Variants in COMMD8 observed in about 807,000 individuals in gnomAD.
COMMD8 encodes COMM domain containing 8, also known as COMM domain-containing protein 8.
In COMMD8, 28 loss-of-function variants were observed where a neutral mutation model predicts 27.2. That is an observed-to-expected ratio of 1.03 (90% confidence interval 0.76 to 1.41). The LOEUF (loss-of-function observed/expected upper bound fraction) is 1.41, where lower values mean the gene tolerates loss of function less well. Among genes scored for constraint, COMMD8 ranks in the 40% most tolerant of loss-of-function variants. COMMD8 has a pLI of 0.00. For missense variants in COMMD8, 217 were observed against 211.2 expected (o/e 1.03, Z -0.17); for synonymous variants, 79 against 75.5 (o/e 1.05, Z -0.24).
At chr4:47,456,784 A>G in intron 2 of COMMD8, 55 bp from the exon 3 acceptor site, 1 of 1,345,368 alleles carries the variant, frequency 7.4e-7, no homozygotes, top group Non-Finnish European at 1.0e-6. Context: ...TAAAAACACA[A>G]TTCCACTCTC....
chr4:47,461,091 C>T (rs1730013426), intron 1 of COMMD8, among the ~76,000 whole-genome samples: 1 of 152,116 alleles, frequency 6.6e-6, no homozygotes, highest in Admixed American at 6.6e-5. Flanking sequence ...AATAAGAATA[C>T]GTGCAAATCA....
chr4:47,451,641 C>T lies in COMMD8; in HGVS notation c.*4G>A. ...CTGATAGGACTGGTATTCATCATTT[C>T]CAGTTATTTCAACTGCAGGACCACC... On this transcript the variant is annotated 3_prime_UTR_variant, in exon 5 of 5. Transcript: ENST00000381571. 1 of 1,586,604 alleles carries T rather than the reference C, an allele frequency of 6.3e-7. No individual in the cohort carries two copies.
intron 2 of COMMD8, among the ~76,000 whole-genome samples, chr4:47,457,196 A>T (rs1191716438): frequency 2.0e-5 from 3 of 152,242 alleles, no homozygotes; most frequent in Non-Finnish European, 4.4e-5. Context: ...AATAAGGGAT[A>T]CTCAACTTGT....
In COMMD8 at chr4:47,456,713, T is replaced by C. The variant is rs749660918; in HGVS notation, c.239A>G (p.Asn80Ser). 15 of 1,582,762 alleles carry C rather than the reference T, an allele frequency of 9.5e-6. No individual in the cohort carries two copies. The highest frequency in any genetic ancestry group is 7.6e-5 in the Admixed American group (4 of 52,674). The part of the protein sequence containing the change: ...LPDEEIFQQL[N>S]QLNSLHQETI... ...TTCTTGATGAAGTGAATTCAACTGA[T>C]TCAACTGCTGAAATATCTATAAAAA... Residue 80 changes from asparagine to serine, a missense_variant, in exon 3 of 5, where the codon AAT becomes AGT. Asn to Ser is a conservative substitution (Grantham distance 46, BLOSUM62 1). Coordinates refer to ENST00000381571, the MANE Select transcript of COMMD8 (RefSeq NM_017845.5).
At chr4:47,458,253 T>C (rs1345022069) in intron 2 of COMMD8, among the ~76,000 whole-genome samples, 3 of 152,048 alleles carry the variant, frequency 2.0e-5, no homozygotes, top group Non-Finnish European at 1.5e-5. Flanking sequence ...AAACACTGAC[T>C]ACTGGTGTTA....
At chr4:47,456,335 T>C (rs922327951) in intron 3 of COMMD8, among the ~76,000 whole-genome samples, 1 of 145,788 alleles carries the variant, frequency 6.9e-6, no homozygotes, top group African/African-American at 2.5e-5. Flanking sequence ...CCATCACTTA[T>C]GTCATTTAAT....
chr4:47,460,054 T>C, intron 2 of COMMD8, 90 bp downstream of exon 2: 1 of 966,460 alleles, frequency 1.0e-6, no homozygotes, highest in East Asian at 2.6e-5. Context: ...TTACTGATGA[T>C]AGCCCTTGTA....
intron 1 of COMMD8, among the ~76,000 whole-genome samples, chr4:47,463,178 G>C (rs1220441698): frequency 2.0e-5 from 3 of 151,780 alleles, no homozygotes; most frequent in African/African-American, 7.3e-5. Flanking sequence ...ACCCTCAAGG[G>C]GGGAGGCAGG....
chr4:47,453,355 G>T, intron 3 of COMMD8, 141 bp from the exon 4 acceptor site: 1 of 630,570 alleles, frequency 1.6e-6, no homozygotes, highest in Non-Finnish European at 2.7e-6. Flanking sequence ...AATAAATTAA[G>T]TCCATGCTAA....
At chr4:47,452,449 G>A (rs1560388370) in intron 4 of COMMD8, among the ~76,000 whole-genome samples, 1 of 151,876 alleles carries the variant, frequency 6.6e-6, no homozygotes, top group Non-Finnish European at 1.5e-5. Context: ...ATTATTCTAA[G>A]GTAAAAATGT....
intron 1 of COMMD8, among the ~76,000 whole-genome samples, chr4:47,460,772 T>C (rs1270211941): frequency 6.6e-6 from 1 of 152,068 alleles, no homozygotes; most frequent in Non-Finnish European, 1.5e-5. Context: ...TCCCAAGTAG[T>C]TAGGACTGCA....
chr4:47,462,398 G>A (rs988873388), intron 1 of COMMD8, among the ~76,000 whole-genome samples: 2 of 152,084 alleles, frequency 1.3e-5, no homozygotes, highest in African/African-American at 2.4e-5. Flanking sequence ...GCCACAAACC[G>A]AAAATGAGGC....
chr4:47,452,433 A>C (rs2109352672), intron 4 of COMMD8, among the ~76,000 whole-genome samples: 1 of 152,302 alleles, frequency 6.6e-6, no homozygotes, highest in South Asian at 2.1e-4. Context: ...CTTCAGAATC[A>C]ATTTTATTAT....
chr4:47,453,201 C>A lies in COMMD8; in HGVS notation c.389G>T (p.Ser130Ile), dbSNP rs1255949861. Residue 130 changes from serine (S) to isoleucine (I), a missense_variant, in exon 4 of 5, where the codon AGT (serine) becomes ATT (isoleucine). Coordinates refer to ENST00000381571, the MANE Select transcript of COMMD8 (RefSeq NM_017845.5). Reference protein sequence around the residue: ...FDWQVKLALSSDKIAALRMPL... With the variant: ...FDWQVKLALSIDKIAALRMPL... ...CATTCGTAATGCAGCAATCTTGTCA[C>A]TGGAAAGTGCAAGCTGTTTAAAATC... 1 of 1,613,456 alleles carries A rather than the reference C, an allele frequency of 6.2e-7. No individual in the cohort carries two copies. The highest frequency in any genetic ancestry group is 1.3e-5 in the African/African-American group (1 of 74,934).
chr4:47,454,384 G>C (rs1401023635), intron 3 of COMMD8, among the ~76,000 whole-genome samples: 2 of 152,094 alleles, frequency 1.3e-5, no homozygotes, highest in Non-Finnish European at 2.9e-5. Flanking sequence ...ATCTTTTCCA[G>C]GTACATGGTC....
In COMMD8 at chr4:47,451,626, T is replaced by C. The variant is rs766696472; in HGVS notation, c.*19A>G. On this transcript the variant is annotated 3_prime_UTR_variant, in exon 5 of 5. Coordinates refer to ENST00000381571, the MANE Select transcript of COMMD8 (RefSeq NM_017845.5). ...TTGGAGCAATAAAATCTGATAGGACTGGTATTCATCATTTCCAGTTATTTC... is the reference window on the plus strand; with the variant it reads ...TTGGAGCAATAAAATCTGATAGGACCGGTATTCATCATTTCCAGTTATTTC... 6.3e-7 allele frequency: 1 copy of C among 1,583,188 alleles called. No individual in the cohort carries two copies. Among genetic ancestry groups the C allele is most frequent in the Non-Finnish European group, 8.6e-7 (1 of 1,163,384 alleles).
At chr4:47,453,337 G>A in intron 3 of COMMD8, 123 bp from the exon 4 acceptor site, 1 of 691,598 alleles carries the variant, frequency 1.4e-6, no homozygotes, top group South Asian at 2.3e-5. Context: ...ATAGAGAAAG[G>A]TGAAAGAAAT....
At chr4:47,457,448 A>G (rs773122065) in intron 2 of COMMD8, among the ~76,000 whole-genome samples, 9 of 152,184 alleles carry the variant, frequency 5.9e-5, no homozygotes, top group Non-Finnish European at 8.8e-5. Context: ...ACGAAAAAAA[A>G]TCAATGAGGA....
chr4:47,456,262 TTATACATATATATATA>T (rs1348756837), intron 3 of COMMD8, among the ~76,000 whole-genome samples: 10 of 80,850 alleles, frequency 1.2e-4, no homozygotes, highest in African/African-American at 4.1e-4. Context: ...AATAAATAAA[TTATACATATATATATA>T]TATATATATA....
Sources: allele counts gnomAD v4.1 joint callset (sites outside exome capture counted in the v4.1 genomes callset), GRCh38; gene constraint gnomAD v4.1.1; transcripts MANE v1.5; gene names NCBI Gene and HGNC (gene_info 2026-07-23, HGNC 2026-07-21).